The following SLC35D4 variants were observed in gnomAD, a reference collection of about 807,000 sequenced individuals.
SLC35D4 encodes solute carrier family 35 member D4.
chr18:23,374,265 T>C, the SLC35D4 span, among the ~76,000 whole-genome samples: 1 of 152,186 alleles, frequency 6.6e-6, no homozygotes, highest in Admixed American at 6.5e-5. Flanking sequence ...ATTGTGTGCC[T>C]CTTGATATAA....
the SLC35D4 span, among the ~76,000 whole-genome samples, chr18:23,393,880 A>G: frequency 6.6e-6 from 1 of 152,096 alleles, no homozygotes; most frequent in Non-Finnish European, 1.5e-5. Context: ...TGGCCTCCCA[A>G]AGTGCTGGGA....
At chr18:23,322,001 G>C in the SLC35D4 span, among the ~76,000 whole-genome samples, 9 of 152,192 alleles carry the variant, frequency 5.9e-5, no homozygotes, top group Non-Finnish European at 1.2e-4. Flanking sequence ...CTCTCCTCAC[G>C]ATTCCTTCTC....
the SLC35D4 span, among the ~76,000 whole-genome samples, chr18:23,437,187 C>T: frequency 2.0e-5 from 3 of 152,220 alleles, no homozygotes; most frequent in African/African-American, 7.2e-5. Flanking sequence ...TCTCTGCCTC[C>T]TCACCAAAAG....
chr18:23,323,762 C>A, the SLC35D4 span, among the ~76,000 whole-genome samples: 4 of 152,060 alleles, frequency 2.6e-5, no homozygotes, highest in Non-Finnish European at 4.4e-5. Flanking sequence ...GGAGCCCTCA[C>A]CATGAGATTC....
the SLC35D4 span, among the ~76,000 whole-genome samples, chr18:23,375,569 A>G: frequency 6.6e-6 from 1 of 152,152 alleles, no homozygotes; most frequent in South Asian, 2.1e-4. Context: ...CCCCCGTAAA[A>G]TGTTTTATTA....
the SLC35D4 span, among the ~76,000 whole-genome samples, chr18:23,281,514 A>T: frequency 6.6e-6 from 1 of 152,048 alleles, no homozygotes; most frequent in South Asian, 2.1e-4. Flanking sequence ...TTTTTAGTAG[A>T]AACGGAGTTT....
the SLC35D4 span, among the ~76,000 whole-genome samples, chr18:23,274,716 C>T: frequency 1.3e-5 from 2 of 152,214 alleles, no homozygotes; most frequent in South Asian, 4.1e-4. Context: ...CCAGTGCACG[C>T]AAGGGCCAGG....
the SLC35D4 span, chr18:23,373,707 C>T: frequency 2.5e-6 from 4 of 1,613,662 alleles, no homozygotes; most frequent in Non-Finnish European, 3.4e-6. Flanking sequence ...TTCACTTGGA[C>T]TTACCTGGGA....
the SLC35D4 span, chr18:23,258,301 A>G: frequency 3.2e-3 from 484 of 152,780 alleles, 1 homozygote; most frequent in Middle Eastern, 0.01. Context: ...TCAGAAGCAC[A>G]TTTACTGTGC....
At chr18:23,256,861 T>G in the SLC35D4 span, among the ~76,000 whole-genome samples, 3 of 152,360 alleles carry the variant, frequency 2.0e-5, no homozygotes, top group South Asian at 2.1e-4. Flanking sequence ...TAGGGTGGAC[T>G]CTTAGTGCTG....
the SLC35D4 span, among the ~76,000 whole-genome samples, chr18:23,286,320 G>T: frequency 6.6e-6 from 1 of 152,204 alleles, no homozygotes; most frequent in Admixed American, 6.5e-5. Context: ...TGCTACAAGT[G>T]CCAGAAATCT....
chr18:23,410,669 C>T, the SLC35D4 span, among the ~76,000 whole-genome samples: 5 of 151,690 alleles, frequency 3.3e-5, no homozygotes, highest in African/African-American at 9.7e-5. Flanking sequence ...TCATGGCGGG[C>T]GCCTGTAGTG....
At chr18:23,437,918 C>G in the SLC35D4 span, 1 of 1,535,776 alleles carries the variant, frequency 6.5e-7, no homozygotes, top group Non-Finnish European at 8.9e-7. Flanking sequence ...GCCGCCCGAC[C>G]CCCGCAGCAG....
At chr18:23,336,879 T>G in the SLC35D4 span, among the ~76,000 whole-genome samples, 1 of 151,960 alleles carries the variant, frequency 6.6e-6, no homozygotes, top group African/African-American at 2.4e-5. Context: ...AAGAAAGAAA[T>G]AACAGCAGTA....
the SLC35D4 span, among the ~76,000 whole-genome samples, chr18:23,242,276 C>G: frequency 2.0e-5 from 3 of 151,712 alleles, no homozygotes; most frequent in African/African-American, 7.3e-5. Flanking sequence ...GAAACTCTGT[C>G]TCAAAAAAAA....
At chr18:23,288,755 T>A in the SLC35D4 span, among the ~76,000 whole-genome samples, 2 of 152,204 alleles carry the variant, frequency 1.3e-5, no homozygotes, top group African/African-American at 4.8e-5. Flanking sequence ...TACAGTCCGA[T>A]AGCAGACCGG....
At chr18:23,387,406 A>T in the SLC35D4 span, among the ~76,000 whole-genome samples, 92 of 152,286 alleles carry the variant, frequency 6.0e-4, no homozygotes, top group African/African-American at 2.2e-3. Flanking sequence ...GCCAAGAGGA[A>T]CGACCCAAAT....
the SLC35D4 span, among the ~76,000 whole-genome samples, chr18:23,308,876 C>CTCTCTCTCTG: frequency 0.053 from 7,423 of 139,754 alleles, 268 homozygotes; most frequent in Middle Eastern, 0.11. Context: ...CTCTCTCTCT[C>CTCTCTCTCTG]TGTGTGTGTG....
the SLC35D4 span, chr18:23,385,088 A>C: frequency 6.2e-7 from 1 of 1,601,592 alleles, no homozygotes; most frequent in Non-Finnish European, 8.5e-7. Flanking sequence ...ACAGAATAAA[A>C]AACATGAAAA....
Sources: allele counts gnomAD v4.1 joint callset (sites outside exome capture counted in the v4.1 genomes callset), GRCh38; gene constraint gnomAD v4.1.1; transcripts MANE v1.5; gene names NCBI Gene and HGNC (gene_info 2026-07-23, HGNC 2026-07-21).